Variants in MCM5 observed in about 807,000 individuals in gnomAD.
MCM5 encodes the protein DNA replication licensing factor MCM5.
MCM5 carries 46 observed loss-of-function variants against 79.9 expected under a neutral mutation model. That is an observed-to-expected ratio of 0.58 (90% CI 0.45 to 0.74). The LOEUF is 0.74. Among genes scored for constraint, MCM5 ranks in the 30% least tolerant of loss-of-function variants. The pLI, the probability that MCM5 is intolerant of heterozygous loss-of-function variation, is 0.00. For missense variants in MCM5, 883 were observed against 1,017.0 expected (o/e 0.87, Z 1.79); for synonymous variants, 404 against 390.5 (o/e 1.03, Z -0.41).
intron 12 of MCM5, among the ~76,000 whole-genome samples, chr22:35,417,440 G>GCCCAAGTTGGGGTGGACAAGATACATGC (rs1932574473): frequency 6.6e-6 from 1 of 152,216 alleles, no homozygotes; most frequent in African/African-American, 2.4e-5. Context: ...CTATGTCCAT[G>GCCCAAGTTGGGGTGGACAAGATACATGC]CCCAAGTTGG....
the MCM5 span, among the ~76,000 whole-genome samples, chr22:35,431,803 C>T: frequency 1.3e-5 from 2 of 152,198 alleles, no homozygotes; most frequent in African/African-American, 2.4e-5. Flanking sequence ...TTTTCTCCAG[C>T]GACCCAGACT....
At chr22:35,432,672 A>G in the MCM5 span, among the ~76,000 whole-genome samples, 3 of 151,194 alleles carry the variant, frequency 2.0e-5, no homozygotes, top group African/African-American at 7.3e-5. Flanking sequence ...CCCTTCGGCA[A>G]CTCCAGCCTG....
At chr22:35,448,127 T>TG in the MCM5 span, among the ~76,000 whole-genome samples, 2 of 152,092 alleles carry the variant, frequency 1.3e-5, no homozygotes, top group African/African-American at 4.8e-5. Flanking sequence ...AACAAGGGCT[T>TG]GGGGGAGGAG....
the MCM5 span, among the ~76,000 whole-genome samples, chr22:35,443,138 C>T: frequency 6.6e-6 from 1 of 152,322 alleles, no homozygotes; most frequent in South Asian, 2.1e-4. Flanking sequence ...TAAACTGCCA[C>T]TCATTCGATT....
chr22:35,436,898 G>A, the MCM5 span, among the ~76,000 whole-genome samples: 73,076 of 151,842 alleles, frequency 0.48, 20,100 homozygotes, highest in Non-Finnish European at 0.63. Flanking sequence ...CAGGGGGAGA[G>A]TCAGTTCGCA....
the MCM5 span, among the ~76,000 whole-genome samples, chr22:35,434,424 T>G: frequency 6.6e-6 from 1 of 152,170 alleles, no homozygotes; most frequent in Non-Finnish European, 1.5e-5. Flanking sequence ...AGAGCTTTTT[T>G]CTCTCAGTAT....
intron 16 of MCM5, chr22:35,423,927 A>G: frequency 1.9e-6 from 1 of 516,520 alleles, no homozygotes; most frequent in Non-Finnish European, 3.4e-6. Flanking sequence ...TTCTAGAGTC[A>G]GATGGGACTT....
chr22:35,406,249 C>T (rs1280374869), intron 4 of MCM5, among the ~76,000 whole-genome samples: 1 of 150,610 alleles, frequency 6.6e-6, no homozygotes, highest in Non-Finnish European at 1.5e-5. Flanking sequence ...TCTCCTGGCA[C>T]CTGCCACTTT....
intron 15 of MCM5, chr22:35,421,802 C>T (rs1932702226): frequency 5.5e-6 from 2 of 365,166 alleles, no homozygotes; most frequent in South Asian, 2.2e-5. Context: ...TTATTTCTTG[C>T]ATTTTGCCTT....
chr22:35,401,785 C>A, intron 2 of MCM5: 1 of 451,048 alleles, frequency 2.2e-6, no homozygotes, highest in Non-Finnish European at 4.6e-6. Context: ...CAGATAACTT[C>A]CACGGTGGTC....
At chr22:35,448,962 A>G in the MCM5 span, among the ~76,000 whole-genome samples, 1 of 152,194 alleles carries the variant, frequency 6.6e-6, no homozygotes, top group African/African-American at 2.4e-5. Context: ...ACTTCTGCCC[A>G]CATTCCATTG....
the MCM5 span, among the ~76,000 whole-genome samples, chr22:35,453,799 G>GATATATATATAT: frequency 1.4e-3 from 124 of 91,134 alleles, no homozygotes; most frequent in Non-Finnish European, 2.0e-3. Context: ...AGAGACAAAA[G>GATATATATATAT]ATATATATAT....
the MCM5 span, among the ~76,000 whole-genome samples, chr22:35,449,258 G>A: frequency 6.6e-6 from 1 of 152,230 alleles, no homozygotes; most frequent in Non-Finnish European, 1.5e-5. Context: ...CAGCCATACA[G>A]TCAGGGAAGA....
chr22:35,443,294 C>A, the MCM5 span, among the ~76,000 whole-genome samples: 1 of 152,162 alleles, frequency 6.6e-6, no homozygotes, highest in African/African-American at 2.4e-5. Context: ...TCAAGTGATT[C>A]TCCTACCTCA....
the MCM5 span, among the ~76,000 whole-genome samples, chr22:35,454,026 G>C: frequency 5.9e-5 from 9 of 151,792 alleles, no homozygotes; most frequent in Non-Finnish European, 8.8e-5. Flanking sequence ...ACAAGCAAAA[G>C]CATCAGAGAC....
At chr22:35,434,320 A>T in the MCM5 span, among the ~76,000 whole-genome samples, 14 of 151,900 alleles carry the variant, frequency 9.2e-5, no homozygotes, top group Non-Finnish European at 1.5e-4. Context: ...CTGTCACTGA[A>T]CCCTGATGAT....
chr22:35,423,088 GTGCCCTT>G lies in MCM5; in HGVS notation c.1976-124_1976-118del. ...GGCCTGCACCACCCTGGCACACTCG[GTGCCCTT>G]TTCTGACTTACTCTTCGGGGCCTGG... On this transcript the variant is annotated intron_variant, in intron 15 of 16. Coordinates refer to ENST00000216122, the MANE Select transcript of MCM5 (RefSeq NM_006739.4). The G allele has an allele frequency of 2.9e-6, 3 of 1,038,604 alleles. No individual in the cohort carries two copies. In the South Asian group the frequency reaches 5.2e-5, roughly 18 times the overall value. The allele number at this position is 1,038,604 out of a possible 1,614,324, so 64.3% of individuals were successfully genotyped here. A position where few individuals can be genotyped will look rare whatever the true frequency, so the allele number is the denominator to read the frequency against.
At position 35,413,829 on chromosome 22, in the gene MCM5, T is replaced by C. The variant is rs370866646; in HGVS notation, c.1092-46T>C. The C allele has an allele frequency of 9.1e-6, 10 of 1,095,002 alleles. No individual in the cohort carries two copies. The African/African-American group carries it at 1.2e-4, about 13-fold the overall frequency. 67.8% of individuals were successfully genotyped at this position (1,095,002 alleles called of 1,614,324 possible). A position where few individuals can be genotyped will look rare whatever the true frequency, so the allele number is the denominator to read the frequency against. ...TCTGGTGACTGGATGTCACATGCGA[T>C]GCCCTCATGGATTCTCACCTTGTCC... On this transcript the variant is annotated intron_variant, in intron 8 of 16. Coordinates refer to ENST00000216122, the MANE Select transcript of MCM5 (RefSeq NM_006739.4).
chr22:35,443,722 G>C, the MCM5 span, among the ~76,000 whole-genome samples: 4 of 152,204 alleles, frequency 2.6e-5, no homozygotes, highest in Non-Finnish European at 5.9e-5. Context: ...TGCACAGTGG[G>C]GGCCCAGAGG....
Sources: allele counts gnomAD v4.1 joint callset (sites outside exome capture counted in the v4.1 genomes callset), GRCh38; gene constraint gnomAD v4.1.1; transcripts MANE v1.5; gene names NCBI Gene and HGNC (gene_info 2026-07-23, HGNC 2026-07-21).